The following LGR5 variants were observed in gnomAD, a reference collection of about 807,000 sequenced individuals.
LGR5 encodes leucine rich repeat containing G protein-coupled receptor 5, also known as leucine-rich repeat-containing G protein-coupled receptor 5.
A neutral mutation model predicts 76.7 loss-of-function variants in LGR5; 54 were observed. The ratio of observed to expected loss-of-function variants is 0.70; its 90% CI spans 0.57 to 0.88. The LOEUF (loss-of-function observed/expected upper bound fraction) is 0.88. Among genes scored for constraint, LGR5 ranks in the 40% least tolerant of loss-of-function variants. The probability of loss-of-function intolerance (pLI) is 0.00; values close to 1 mark genes in which losing one functional copy is unlikely to be tolerated. For synonymous variants in LGR5, 406 were observed against 421.9 expected, an observed-to-expected ratio of 0.96 and a Z score of 0.46; for missense variants, 1,078 against 1,073.3, an observed-to-expected ratio of 1.00 and a Z score of -0.06.
intron 1 of LGR5, among the ~76,000 whole-genome samples, chr12:71,483,691 C>G (rs998555134): frequency 1.3e-5 from 2 of 152,114 alleles, no homozygotes; most frequent in African/African-American, 2.4e-5. Context: ...TACTTAAGTT[C>G]TACATGCCTC....
intron 4 of LGR5, among the ~76,000 whole-genome samples, chr12:71,546,080 A>G (rs1795446): frequency 0.25 from 37,828 of 152,070 alleles, 4,843 homozygotes; most frequent in Admixed American, 0.33. Context: ...TGGGAGGCCA[A>G]GGCAGGCAGA....
chr12:71,475,503 T>C (rs1201409663), intron 1 of LGR5, among the ~76,000 whole-genome samples: 3 of 152,194 alleles, frequency 2.0e-5, no homozygotes, highest in African/African-American at 7.2e-5. Context: ...TCAGGCCTCC[T>C]AATGGGTCGT....
chr12:71,511,979 G>T (rs1198936639), intron 2 of LGR5, among the ~76,000 whole-genome samples: 2 of 147,398 alleles, frequency 1.4e-5, no homozygotes, highest in Non-Finnish European at 3.0e-5. Flanking sequence ...CTCGTTTTTG[G>T]TTTGTTTGTT....
chr12:71,574,301 CAAAAAAAA>C (rs1726461), intron 13 of LGR5, among the ~76,000 whole-genome samples: 1 of 50,232 alleles, frequency 2.0e-5, no homozygotes, highest in Non-Finnish European at 3.3e-5. Context: ...GACTCTGTCT[CAAAAAAAA>C]AAAAAAAAAA....
At chr12:71,539,809 A>G (rs1337033089) in intron 4 of LGR5, among the ~76,000 whole-genome samples, 2 of 152,164 alleles carry the variant, frequency 1.3e-5, no homozygotes, top group Non-Finnish European at 2.9e-5. Context: ...TCTGATGCTA[A>G]CAAATTGCTG....
chr12:71,531,388 T>C (rs1010592049), intron 3 of LGR5, among the ~76,000 whole-genome samples: 1 of 152,240 alleles, frequency 6.6e-6, no homozygotes, highest in Non-Finnish European at 1.5e-5. Flanking sequence ...TGGAGACTTA[T>C]AATGATATAA....
At chr12:71,582,837 G>C (rs1032272426) in intron 17 of LGR5, among the ~76,000 whole-genome samples, 1 of 152,132 alleles carries the variant, frequency 6.6e-6, no homozygotes, top group African/African-American at 2.4e-5. Flanking sequence ...CCCTGAAATA[G>C]TATGCTATAA....
chr12:71,535,240 T>C (rs1876529980), intron 4 of LGR5, 54 bp downstream of exon 4: 7 of 1,225,496 alleles, frequency 5.7e-6, no homozygotes, highest in Admixed American at 5.2e-5. Context: ...GGAAGAAGCA[T>C]TGAAATGTTC....
At chr12:71,521,039 A>G (rs1340920762) in intron 2 of LGR5, among the ~76,000 whole-genome samples, 1 of 152,156 alleles carries the variant, frequency 6.6e-6, no homozygotes, top group Non-Finnish European at 1.5e-5. Context: ...AAAGAATAAC[A>G]TTTCTTCCCA....
At chr12:71,580,843 A>G (rs939763561) in intron 16 of LGR5, among the ~76,000 whole-genome samples, 8 of 152,188 alleles carry the variant, frequency 5.3e-5, no homozygotes, top group African/African-American at 1.9e-4. Flanking sequence ...AGATTATCTG[A>G]ACTTCAGACA....
At chr12:71,460,574 T>C (rs1344432018) in intron 1 of LGR5, among the ~76,000 whole-genome samples, 5 of 152,194 alleles carry the variant, frequency 3.3e-5, no homozygotes, top group Admixed American at 2.6e-4. Flanking sequence ...GTGCTCATTT[T>C]AGTGAATGCA....
chr12:71,537,878 T>C (rs1876682071), intron 4 of LGR5, among the ~76,000 whole-genome samples: 1 of 152,164 alleles, frequency 6.6e-6, no homozygotes. Flanking sequence ...TTGCCATCTC[T>C]TCTTGGACTG....
chr12:71,485,370 A>G (rs36102441), intron 1 of LGR5, among the ~76,000 whole-genome samples: 13,624 of 152,220 alleles, frequency 0.09, 652 homozygotes, highest in Non-Finnish European at 0.11. Flanking sequence ...TAGTGTTCCA[A>G]TGTCAGAACA....
intron 1 of LGR5, among the ~76,000 whole-genome samples, chr12:71,463,545 A>C (rs754842513): frequency 6.6e-6 from 1 of 152,310 alleles, no homozygotes; most frequent in African/African-American, 2.4e-5. Flanking sequence ...GGTTCTACAA[A>C]GTACTCAGTA....
At chr12:71,509,916 A>G (rs2137313973) in intron 2 of LGR5, among the ~76,000 whole-genome samples, 1 of 152,300 alleles carries the variant, frequency 6.6e-6, no homozygotes, top group East Asian at 1.9e-4. Flanking sequence ...TATAAATAGT[A>G]GATATCTATT....
intron 4 of LGR5, among the ~76,000 whole-genome samples, chr12:71,552,537 C>T (rs893995261): frequency 2.0e-5 from 3 of 150,952 alleles, no homozygotes; most frequent in Non-Finnish European, 4.4e-5. Context: ...TGCACTCCAG[C>T]CTGGGCGACA....
At chr12:71,505,649 C>T (rs749748695) in intron 2 of LGR5, among the ~76,000 whole-genome samples, 1 of 152,162 alleles carries the variant, frequency 6.6e-6, no homozygotes, top group Non-Finnish European at 1.5e-5. Flanking sequence ...AATTACACTA[C>T]GTTGACCATT....
In LGR5 at chr12:71,439,857, G is replaced by A; in HGVS notation, c.-224G>A. The A allele has an allele frequency of 1.9e-6, 1 of 523,276 alleles. No homozygotes were observed. The highest frequency in any genetic ancestry group is 5.0e-4 in the Middle Eastern group (1 of 2,010). 32.4% of individuals were successfully genotyped at this position (523,276 alleles called of 1,614,324 possible). A position where few individuals can be genotyped will look rare whatever the true frequency, so the allele number is the denominator to read the frequency against. On this transcript the variant is annotated 5_prime_UTR_variant, in exon 1 of 18. Coordinates refer to ENST00000266674, the MANE Select transcript of LGR5 (RefSeq NM_003667.4). ...GCGCACCGCCACTGTCGCCGCTGCA[G>A]CCAGGGCTGCTCCGAAGGCCGGCGT...
At chr12:71,560,720 G>A (rs1347362816) in intron 7 of LGR5, among the ~76,000 whole-genome samples, 1 of 152,192 alleles carries the variant, frequency 6.6e-6, no homozygotes, top group Non-Finnish European at 1.5e-5. Flanking sequence ...TTGAACCAGA[G>A]GGGCGGTGAT....
Sources: gnomAD v4.1 joint callset for allele counts (sites outside exome capture counted in the v4.1 genomes callset) on GRCh38, gnomAD v4.1.1 for gene constraint, MANE v1.5 for transcripts, NCBI Gene and HGNC (gene_info 2026-07-23, HGNC 2026-07-21) for gene names.